POFUT3: variants seen among roughly 807,000 people sequenced by gnomAD.
POFUT3 encodes GDP-fucose protein O-fucosyltransferase 3.
the POFUT3 span, among the ~76,000 whole-genome samples, chr8:33,322,607 C>T: frequency 6.6e-6 from 1 of 152,144 alleles, no homozygotes; most frequent in Middle Eastern, 3.4e-3. Context: ...ATATTATATA[C>T]ATAGTATAAA....
At chr8:33,313,368 T>G in the POFUT3 span, among the ~76,000 whole-genome samples, 5 of 152,228 alleles carry the variant, frequency 3.3e-5, no homozygotes, top group African/African-American at 1.2e-4. Flanking sequence ...CTCAGAATGC[T>G]AAATCCTCAG....
the POFUT3 span, chr8:33,460,829 T>C: frequency 4.0e-6 from 3 of 755,074 alleles, no homozygotes; most frequent in Non-Finnish European, 4.8e-6. Flanking sequence ...CAGAGGTTTT[T>C]TACTGGGAGG....
At chr8:33,470,509 A>G in the POFUT3 span, among the ~76,000 whole-genome samples, 2 of 152,194 alleles carry the variant, frequency 1.3e-5, no homozygotes, top group African/African-American at 4.8e-5. Context: ...CTTCAAGAGC[A>G]GGGATTCTTT....
chr8:33,423,801 T>A, the POFUT3 span, among the ~76,000 whole-genome samples: 6 of 133,952 alleles, frequency 4.5e-5, no homozygotes, highest in African/African-American at 1.7e-4. Flanking sequence ...GGTCTATTTC[T>A]CTTTAGGCAC....
At chr8:33,379,697 G>A in the POFUT3 span, among the ~76,000 whole-genome samples, 1 of 151,132 alleles carries the variant, frequency 6.6e-6, no homozygotes, top group Non-Finnish European at 1.5e-5. Context: ...TTTGCCAGGT[G>A]TGGTGGCATG....
At chr8:33,351,116 G>A in the POFUT3 span, among the ~76,000 whole-genome samples, 23 of 151,922 alleles carry the variant, frequency 1.5e-4, no homozygotes, top group Admixed American at 3.9e-4. Context: ...CGCCACACCC[G>A]GCTAGTTTTT....
chr8:33,317,915 GC>G, the POFUT3 span, among the ~76,000 whole-genome samples: 1 of 152,110 alleles, frequency 6.6e-6, no homozygotes, highest in African/African-American at 2.4e-5. Context: ...CATGTCAGTT[GC>G]CTTCCATGTA....
At chr8:33,472,866 T>C in the POFUT3 span, among the ~76,000 whole-genome samples, 1 of 152,186 alleles carries the variant, frequency 6.6e-6, no homozygotes, top group Non-Finnish European at 1.5e-5. Flanking sequence ...AGACTTGGAT[T>C]ATTTTGCACA....
At chr8:33,380,111 CTA>C in the POFUT3 span, among the ~76,000 whole-genome samples, 26 of 64,940 alleles carry the variant, frequency 4.0e-4, 3 homozygotes, top group East Asian at 1.5e-3. Flanking sequence ...TATATATATA[CTA>C]TATATATACA....
At chr8:33,449,895 C>T in the POFUT3 span, among the ~76,000 whole-genome samples, 1 of 150,150 alleles carries the variant, frequency 6.7e-6, no homozygotes, top group Non-Finnish European at 1.5e-5. Context: ...ACTTCAAATT[C>T]AAATTTCTTA....
At chr8:33,351,039 G>A in the POFUT3 span, among the ~76,000 whole-genome samples, 10 of 152,180 alleles carry the variant, frequency 6.6e-5, no homozygotes, top group Admixed American at 3.9e-4. Flanking sequence ...GCAGTGGCAC[G>A]ATCTCGGCTC....
the POFUT3 span, among the ~76,000 whole-genome samples, chr8:33,440,098 C>G: frequency 2.2e-4 from 33 of 150,306 alleles, no homozygotes; most frequent in South Asian, 2.5e-3. Context: ...CCTGATGGCT[C>G]ATACCTGTAA....
the POFUT3 span, among the ~76,000 whole-genome samples, chr8:33,351,695 T>C: frequency 6.6e-6 from 1 of 152,112 alleles, no homozygotes; most frequent in Non-Finnish European, 1.5e-5. Flanking sequence ...GCCTCCGATA[T>C]TTCTTTGTAG....
At chr8:33,334,175 T>A in the POFUT3 span, among the ~76,000 whole-genome samples, 1 of 152,278 alleles carries the variant, frequency 6.6e-6, no homozygotes, top group South Asian at 2.1e-4. Context: ...TCACACTTAC[T>A]TGAATGTGCA....
chr8:33,402,024 T>C, the POFUT3 span, among the ~76,000 whole-genome samples: 1 of 150,958 alleles, frequency 6.6e-6, no homozygotes, highest in East Asian at 1.9e-4. Flanking sequence ...AGATCCTGTC[T>C]CCAAAAAAAA....
At chr8:33,339,719 A>G in the POFUT3 span, among the ~76,000 whole-genome samples, 1 of 152,170 alleles carries the variant, frequency 6.6e-6, no homozygotes, top group Admixed American at 6.5e-5. Flanking sequence ...AGTTCAAATG[A>G]CAGTTGATTT....
chr8:33,336,676 C>T, the POFUT3 span, among the ~76,000 whole-genome samples: 1 of 152,018 alleles, frequency 6.6e-6, no homozygotes, highest in Non-Finnish European at 1.5e-5. Context: ...AGCTCTTGGC[C>T]AGGTCAGCAA....
chr8:33,336,231 A>G, the POFUT3 span, among the ~76,000 whole-genome samples: 2 of 152,194 alleles, frequency 1.3e-5, no homozygotes, highest in African/African-American at 2.4e-5. Context: ...CTAGTTACAA[A>G]TACTCCCATC....
chr8:33,393,394 C>G, the POFUT3 span, among the ~76,000 whole-genome samples: 19 of 152,290 alleles, frequency 1.2e-4, 1 homozygote, highest in Admixed American at 1.2e-3. Context: ...ATCTTTGGCA[C>G]TAATGTGCAC....
Sources: gnomAD v4.1 joint callset for allele counts (sites outside exome capture counted in the v4.1 genomes callset) on GRCh38, gnomAD v4.1.1 for gene constraint, MANE v1.5 for transcripts, NCBI Gene and HGNC (gene_info 2026-07-23, HGNC 2026-07-21) for gene names.